The following SLC30A7 variants were observed in gnomAD, a reference collection of about 807,000 sequenced individuals.
The protein encoded by SLC30A7 is solute carrier family 30 member 7, also known as zinc transporter 7.
In SLC30A7, 35 loss-of-function variants were observed where a neutral mutation model predicts 46.0. That is an observed-to-expected ratio of 0.76 (90% CI 0.58 to 1.01). SLC30A7 has a LOEUF of 1.01. Ranked by LOEUF, SLC30A7 falls within the 50% of genes least tolerant of loss-of-function variation. The pLI is 0.00. For synonymous variants in SLC30A7, 147 were observed against 157.8 expected (o/e 0.93, Z 0.51); for missense variants, 464 against 451.1 (o/e 1.03, Z -0.26).
At chr1:100,989,473 T>C in the SLC30A7 span, 1 of 152,226 alleles carries the variant, frequency 6.6e-6, no homozygotes, top group African/African-American at 2.4e-5. Context: ...TTTTGTGGCA[T>C]GTGCTCAGCT....
At chr1:100,922,185 C>G (rs1049016420) in intron 8 of SLC30A7, among the ~76,000 whole-genome samples, 2 of 151,982 alleles carry the variant, frequency 1.3e-5, no homozygotes, top group African/African-American at 4.8e-5. Flanking sequence ...AGGCTGGTCT[C>G]AAACTCTTGA....
intron 9 of SLC30A7, among the ~76,000 whole-genome samples, chr1:100,964,710 C>T (rs775657220): frequency 1.3e-5 from 2 of 152,138 alleles, no homozygotes; most frequent in Non-Finnish European, 2.9e-5. Context: ...TGTACTGCCA[C>T]ATATGGAAGT....
At chr1:100,921,485 A>G (rs1378854852) in intron 7 of SLC30A7, among the ~76,000 whole-genome samples, 1 of 152,204 alleles carries the variant, frequency 6.6e-6, no homozygotes, top group Non-Finnish European at 1.5e-5. Flanking sequence ...ATAAATTACC[A>G]GTCAGATATT....
chr1:100,979,465 G>GAGCA lies in SLC30A7; in HGVS notation c.*4609_*4612dup, dbSNP rs1461883285. 137 of 149,464 alleles carry GAGCA rather than the reference G, an allele frequency of 9.2e-4. 1 individual carries two copies. Among genetic ancestry groups the GAGCA allele is most frequent in the African/African-American group, 3.3e-3 (133 of 40,850 alleles). 9.3% of individuals were successfully genotyped at this position (149,464 alleles called of 1,614,324 possible). A position where few individuals can be genotyped will look rare whatever the true frequency, so the allele number is the denominator to read the frequency against. Reference sequence around the variant, plus strand: ...AAAAAAAAAAAAAAAAAAAGAAAAGGAGCAGGGAAGGACAGTTCTAGTTAA... The same window carrying GAGCA: ...AAAAAAAAAAAAAAAAAAAGAAAAGGAGCAAGCAGGGAAGGACAGTTCTAGTTAA... On this transcript the variant is annotated 3_prime_UTR_variant, in exon 11 of 11. Transcript: ENST00000357650.
chr1:100,975,083 T>C lies in SLC30A7; in HGVS notation c.*226T>C. 2.6e-6 allele frequency: 1 copy of C among 381,396 alleles called. No individual in the cohort carries two copies. Among genetic ancestry groups the C allele is most frequent in the Non-Finnish European group, 4.7e-6 (1 of 214,958 alleles). 23.6% of individuals were successfully genotyped at this position (381,396 alleles called of 1,614,324 possible). A position where few individuals can be genotyped will look rare whatever the true frequency, so the allele number is the denominator to read the frequency against. On this transcript the variant is annotated 3_prime_UTR_variant, in exon 11 of 11. Transcript: ENST00000357650. ...CTTTTGGTCTTTTCTTTTGTGCTCT[T>C]TCCTCCAAATCTTTTTGACTTCTGA...
chr1:100,965,721 G>A (rs1203941232), intron 9 of SLC30A7, 48 bp from the exon 10 acceptor site: 29 of 1,490,088 alleles, frequency 1.9e-5, no homozygotes, highest in Non-Finnish European at 2.4e-5. Flanking sequence ...AAGTAAAAGG[G>A]AGTGCTTAAC....
At chr1:100,930,078 G>C (rs1329138118) in intron 8 of SLC30A7, among the ~76,000 whole-genome samples, 1 of 151,896 alleles carries the variant, frequency 6.6e-6, no homozygotes. Context: ...ATGCATGATG[G>C]ATAATTATAA....
intron 6 of SLC30A7, among the ~76,000 whole-genome samples, chr1:100,915,085 A>G (rs1047028880): frequency 2.8e-5 from 3 of 108,704 alleles, no homozygotes; most frequent in African/African-American, 1.1e-4. Flanking sequence ...GTTCCCACTG[A>G]AAGTTTCCTC....
At chr1:100,960,030 G>A (rs933251812) in intron 8 of SLC30A7, among the ~76,000 whole-genome samples, 2 of 152,154 alleles carry the variant, frequency 1.3e-5, no homozygotes, top group African/African-American at 4.8e-5. Flanking sequence ...GGAGAAAAAG[G>A]AATTAAGGGT....
At chr1:100,926,095 G>T (rs79965258) in intron 8 of SLC30A7, among the ~76,000 whole-genome samples, 1 of 152,118 alleles carries the variant, frequency 6.6e-6, no homozygotes, top group Non-Finnish European at 1.5e-5. Context: ...AAACTTATTT[G>T]TCATCCTTGT....
chr1:100,924,646 C>A (rs1378628376), intron 8 of SLC30A7, among the ~76,000 whole-genome samples: 1 of 146,248 alleles, frequency 6.8e-6, no homozygotes, highest in Non-Finnish European at 1.5e-5. Flanking sequence ...GTTTTAAAGT[C>A]AGCACCTAAA....
intron 8 of SLC30A7, among the ~76,000 whole-genome samples, chr1:100,952,894 A>G (rs1179949592): frequency 6.6e-6 from 1 of 152,196 alleles, no homozygotes; most frequent in Non-Finnish European, 1.5e-5. Context: ...TGTAGATTGG[A>G]TCAAATATAA....
intron 8 of SLC30A7, among the ~76,000 whole-genome samples, chr1:100,924,261 A>G (rs1359219352): frequency 6.6e-6 from 1 of 152,156 alleles, no homozygotes; most frequent in Non-Finnish European, 1.5e-5. Context: ...CTCTCTCAGT[A>G]CTTCTCAATT....
At chr1:100,961,115 C>T (rs1274634913) in intron 8 of SLC30A7, among the ~76,000 whole-genome samples, 21 of 150,924 alleles carry the variant, frequency 1.4e-4, no homozygotes, top group East Asian at 7.7e-4. Context: ...CCACCATGCC[C>T]GGCTGATTTT....
intron 8 of SLC30A7, among the ~76,000 whole-genome samples, chr1:100,937,093 A>G (rs1295609340): frequency 2.0e-5 from 3 of 152,140 alleles, no homozygotes; most frequent in Non-Finnish European, 4.4e-5. Flanking sequence ...AGCATTTTAC[A>G]TGTTCTTATT....
At chr1:100,961,319 G>A (rs1655538068) in intron 8 of SLC30A7, among the ~76,000 whole-genome samples, 1 of 152,102 alleles carries the variant, frequency 6.6e-6, no homozygotes, top group South Asian at 2.1e-4. Flanking sequence ...AATACTAATT[G>A]AGGACTAGTT....
intron 8 of SLC30A7, among the ~76,000 whole-genome samples, chr1:100,930,157 T>C (rs931986045): frequency 6.6e-6 from 1 of 152,054 alleles, no homozygotes; most frequent in Non-Finnish European, 1.5e-5. Context: ...TAGATTTTTT[T>C]AAAAAAATCA....
At chr1:100,956,234 G>C (rs1655212025) in intron 8 of SLC30A7, among the ~76,000 whole-genome samples, 1 of 152,020 alleles carries the variant, frequency 6.6e-6, no homozygotes, top group Admixed American at 6.5e-5. Flanking sequence ...CTTGAATGGT[G>C]TTAAAATGAG....
chr1:100,936,083 T>A (rs1006067113), intron 8 of SLC30A7, among the ~76,000 whole-genome samples: 5 of 142,996 alleles, frequency 3.5e-5, no homozygotes, highest in African/African-American at 1.3e-4. Flanking sequence ...TTCATTTTTC[T>A]TTTTTTTTTT....
Sources: allele counts gnomAD v4.1 joint callset (sites outside exome capture counted in the v4.1 genomes callset), GRCh38; gene constraint gnomAD v4.1.1; transcripts MANE v1.5; gene names NCBI Gene and HGNC (gene_info 2026-07-23, HGNC 2026-07-21).